Variants in RREB1 observed in about 807,000 individuals in gnomAD.
RREB1 encodes ras responsive element binding protein 1, also known as ras-responsive element-binding protein 1.
Under a neutral mutation model 117.8 loss-of-function variants are expected in RREB1, and 27 were observed. The ratio of observed to expected loss-of-function variants is 0.23; its 90% CI spans 0.17 to 0.32. RREB1 has a LOEUF of 0.32. Among genes scored for constraint, RREB1 ranks in the 10% least tolerant of loss-of-function variants. RREB1 has a pLI of 1.00. For missense variants in RREB1, 2,577 were observed against 2,378.2 expected (o/e 1.08, Z -1.74); for synonymous variants, 1,298 against 1,026.7 (o/e 1.26, Z -5.05).
At chr6:7,214,097 G>A (rs975493421) in intron 8 of RREB1, 2 of 152,272 alleles carry the variant, frequency 1.3e-5, no homozygotes, top group Non-Finnish European at 2.9e-5. Flanking sequence ...CTGCACAGAG[G>A]TTGGAGATGG....
At chr6:7,185,119 C>G (rs898752669) in intron 4 of RREB1, 1 of 152,202 alleles carries the variant, frequency 6.6e-6, no homozygotes, top group African/African-American at 2.4e-5. Context: ...CCCATTATAC[C>G]TCAGAAAGAA....
chr6:7,212,001 T>C, intron 8 of RREB1: 1 of 388,208 alleles, frequency 2.6e-6, no homozygotes, highest in Non-Finnish European at 4.7e-6. Context: ...CTATCATGGG[T>C]GTTCTTGGAC....
At chr6:7,238,564 T>C (rs1342079250) in intron 10 of RREB1, among the ~76,000 whole-genome samples, 1 of 152,156 alleles carries the variant, frequency 6.6e-6, no homozygotes, top group Non-Finnish European at 1.5e-5. Flanking sequence ...AGACGCACCA[T>C]GAACACTGAC....
chr6:7,109,056 G>T (rs1173247803), intron 1 of RREB1, among the ~76,000 whole-genome samples: 4 of 151,646 alleles, frequency 2.6e-5, no homozygotes, highest in African/African-American at 9.7e-5. Context: ...GCCGTCACGA[G>T]CACAGGAAGG....
At chr6:7,147,282 G>GT (rs1323428759) in intron 1 of RREB1, among the ~76,000 whole-genome samples, 1 of 152,204 alleles carries the variant, frequency 6.6e-6, no homozygotes, top group Non-Finnish European at 1.5e-5. Flanking sequence ...AAATGTAGTT[G>GT]TTTTTTTCCC....
At chr6:7,120,694 C>T (rs571241571) in intron 1 of RREB1, among the ~76,000 whole-genome samples, 47 of 148,850 alleles carry the variant, frequency 3.2e-4, no homozygotes, top group African/African-American at 1.1e-3. Context: ...TTTTTTGAGA[C>T]AAGGCCTCGC....
intron 1 of RREB1, among the ~76,000 whole-genome samples, chr6:7,151,131 G>C (rs975345204): frequency 1.3e-5 from 2 of 152,120 alleles, no homozygotes; most frequent in Non-Finnish European, 2.9e-5. Context: ...TTTGTTGGGT[G>C]GTTCATTGTT....
At chr6:7,215,644 T>C (rs1242279766) in intron 8 of RREB1, 1 of 152,236 alleles carries the variant, frequency 6.6e-6, no homozygotes, top group African/African-American at 2.4e-5. Flanking sequence ...CTGGCCCTAG[T>C]AGTCATGTTT....
intron 1 of RREB1, among the ~76,000 whole-genome samples, chr6:7,156,969 C>T (rs756618232): frequency 3.3e-5 from 5 of 152,172 alleles, no homozygotes; most frequent in Non-Finnish European, 5.9e-5. Flanking sequence ...TGTTCAGCTT[C>T]GTCGTCCCTG....
In RREB1 at chr6:7,230,632, G is replaced by C; in HGVS notation, c.2533G>C (p.Gly845Arg). Residue 845 changes from glycine to arginine, a missense_variant, in exon 10 of 13, where the codon GGG becomes CGG. Gly to Arg is a moderately radical substitution (Grantham distance 125). Coordinates refer to ENST00000379938, the MANE Select transcript of RREB1 (RefSeq NM_001003699.4). ...GCCGGCCGCTGAGGCGTCGGGGCGCGGGGAGGACAGTGGCTGCGCTGCCCT... is the reference window on the plus strand; with the variant it reads ...GCCGGCCGCTGAGGCGTCGGGGCGCCGGGAGGACAGTGGCTGCGCTGCCCT... ...EAPAAEASGR[G>R]EDSGCAALGD... 6.2e-7 allele frequency: 1 copy of C among 1,603,960 alleles called. No homozygotes were observed.
intron 1 of RREB1, among the ~76,000 whole-genome samples, chr6:7,153,411 T>TACACACACACACAC (rs745553076): frequency 3.5e-5 from 3 of 86,460 alleles, no homozygotes; most frequent in African/African-American, 1.8e-4. Flanking sequence ...CCAGTAGTGG[T>TACACACACACACAC]ATACACACAC....
At chr6:7,185,559 G>C (rs1293187824) in intron 4 of RREB1, among the ~76,000 whole-genome samples, 1 of 151,752 alleles carries the variant, frequency 6.6e-6, no homozygotes, top group Non-Finnish European at 1.5e-5. Flanking sequence ...AACAGAGTGA[G>C]ACTCCATTTA....
chr6:7,134,270 C>T (rs1447026894), intron 1 of RREB1, among the ~76,000 whole-genome samples: 3 of 152,304 alleles, frequency 2.0e-5, no homozygotes, highest in East Asian at 1.9e-4. Flanking sequence ...ACCCCAAACC[C>T]GTGAGGGTTA....
chr6:7,152,694 G>C (rs972421947), intron 1 of RREB1, among the ~76,000 whole-genome samples: 1 of 152,212 alleles, frequency 6.6e-6, no homozygotes, highest in African/African-American at 2.4e-5. Flanking sequence ...AGGAGCAGCA[G>C]GGTCCCTTCA....
chr6:7,125,923 T>G (rs917761980), intron 1 of RREB1, among the ~76,000 whole-genome samples: 1 of 152,198 alleles, frequency 6.6e-6, no homozygotes, highest in African/African-American at 2.4e-5. Flanking sequence ...TGGCAGATAC[T>G]GAATTACGGT....
At chr6:7,178,613 C>T (rs1764629277) in intron 2 of RREB1, among the ~76,000 whole-genome samples, 1 of 152,192 alleles carries the variant, frequency 6.6e-6, no homozygotes, top group South Asian at 2.1e-4. Flanking sequence ...TGTCACAGCC[C>T]AAGGGGCTGG....
At chr6:7,237,549 C>T (rs958810551) in intron 10 of RREB1, among the ~76,000 whole-genome samples, 2 of 152,142 alleles carry the variant, frequency 1.3e-5, no homozygotes, top group Admixed American at 6.5e-5. Flanking sequence ...TAAGCGCTCG[C>T]GTTGGGGCTT....
chr6:7,248,439 C>T (rs1468758137), intron 12 of RREB1, 72 bp from the exon 13 acceptor site: 21 of 1,340,916 alleles, frequency 1.6e-5, no homozygotes, highest in Non-Finnish European at 1.4e-5. Flanking sequence ...CCTCATTCTT[C>T]CTGTGCAGAG....
At chr6:7,223,583 A>C (rs1758271978) in intron 8 of RREB1, among the ~76,000 whole-genome samples, 1 of 151,716 alleles carries the variant, frequency 6.6e-6, no homozygotes, top group Non-Finnish European at 1.5e-5. Context: ...AAAGGTGAAG[A>C]GTATTCAGGA....
Sources: allele counts gnomAD v4.1 joint callset (sites outside exome capture counted in the v4.1 genomes callset), GRCh38; gene constraint gnomAD v4.1.1; transcripts MANE v1.5; gene names NCBI Gene and HGNC (gene_info 2026-07-23, HGNC 2026-07-21).